The following PRKD2 variants were observed in gnomAD, a reference collection of about 807,000 sequenced individuals.
PRKD2 encodes the protein protein kinase D2, also known as serine/threonine-protein kinase D2.
PRKD2 carries 22 observed loss-of-function variants against 86.0 expected under a neutral mutation model. The ratio of observed to expected loss-of-function variants is 0.26; its 90% CI spans 0.18 to 0.37. The LOEUF is 0.37. PRKD2 is among the 10% of genes least tolerant of loss of function. PRKD2 has a pLI of 1.00. For synonymous variants in PRKD2, 509 were observed against 510.9 expected (o/e 1.00, Z 0.05); for missense variants, 818 against 1,199.2 (o/e 0.68, Z 4.70).
chr19:46,680,190 C>T (rs1478894446), intron 15 of PRKD2, among the ~76,000 whole-genome samples: 1 of 152,190 alleles, frequency 6.6e-6, no homozygotes, highest in African/African-American at 2.4e-5. Flanking sequence ...AATGTGACAG[C>T]CACCCTTTCC....
chr19:46,688,336 G>C (rs527381271), intron 14 of PRKD2, among the ~76,000 whole-genome samples: 21 of 152,038 alleles, frequency 1.4e-4, no homozygotes, highest in Admixed American at 1.2e-3. Context: ...GTCAGGTCCA[G>C]GGAGCCTGAC....
In PRKD2 at chr19:46,705,936, C is replaced by A. The variant is rs955069199; in HGVS notation, c.512-1287G>T. Among the ~76,000 whole-genome samples the A allele has an allele frequency of 5.9e-5, 9 of 152,304 alleles. 1 individual carries two copies. The highest frequency in any genetic ancestry group is 2.0e-4 in the Admixed American group (3 of 15,288). ...ACAATGGCACAATCATAGCTCACTG[C>A]AGCCTTCAACTCCTGGGCTCAAGTA... is the stretch of plus-strand genomic sequence containing the variant. On this transcript the variant is annotated intron_variant, in intron 3 of 17. Transcript: ENST00000291281.
intron 14 of PRKD2, chr19:46,686,042 C>T (rs1018001371): frequency 6.6e-6 from 1 of 152,158 alleles, no homozygotes; most frequent in Non-Finnish European, 1.5e-5. Context: ...GGCACACTGC[C>T]TGAGAGGATA....
chr19:46,684,305 A>G (rs2053362643), intron 14 of PRKD2, among the ~76,000 whole-genome samples: 1 of 152,034 alleles, frequency 6.6e-6, no homozygotes. Context: ...GGAAAGATGC[A>G]TGTGTTGTAT....
intron 14 of PRKD2, 26 bp downstream of exon 14, chr19:46,689,511 G>A (rs1361436365): frequency 2.5e-5 from 39 of 1,573,004 alleles, no homozygotes; most frequent in Non-Finnish European, 3.4e-5. Flanking sequence ...GGGAGGGGCG[G>A]GTGGCAGCGG....
At position 46,713,927 on chromosome 19, in the gene PRKD2, G is replaced by C; in HGVS notation, c.315C>G (p.Leu105=). The C allele has an allele frequency of 6.2e-7, 1 of 1,613,560 alleles. No individual in the cohort carries two copies. The change falls in exon 2 of 18, where the codon CTC becomes CTG. Residue 105 remains leucine (L), a synonymous_variant. Coordinates refer to ENST00000291281, the MANE Select transcript of PRKD2 (RefSeq NM_016457.5). Reference sequence around the variant, plus strand: ...CTCCGGACGAGCGCACCAGCTGCAGGAGGTTGGCCGACGTGGGGTCATGTT... The same window carrying C: ...CTCCGGACGAGCGCACCAGCTGCAGCAGGTTGGCCGACGTGGGGTCATGTT... ...LFKHDPTSAN[L]LQLVRSSGDI...
chr19:46,676,156 C>T (rs959356497), intron 16 of PRKD2, among the ~76,000 whole-genome samples: 3 of 151,332 alleles, frequency 2.0e-5, no homozygotes, highest in Non-Finnish European at 4.4e-5. Context: ...AGGCTGGGCG[C>T]GGTGGCTCAT....
chr19:46,712,030 G>A (rs1040765807), intron 2 of PRKD2, among the ~76,000 whole-genome samples: 3 of 149,224 alleles, frequency 2.0e-5, no homozygotes, highest in African/African-American at 7.4e-5. Flanking sequence ...ATCATGCCAC[G>A]GCACTCCAGC....
chr19:46,704,119 C>T lies in PRKD2; in HGVS notation c.889+50G>A, dbSNP rs749264269. 1.8e-5 allele frequency: 29 copies of T among 1,606,590 alleles called. No homozygotes were observed. In the Admixed American group the frequency reaches 3.0e-4, roughly 17 times the overall value. ...GTCCTGCCACAAGACCAGGTTGGGG[C>T]GGGAAGGAGGTTCTGACCCTGTCTG... On this transcript the variant is annotated intron_variant, in intron 5 of 17. Coordinates refer to ENST00000291281, the MANE Select transcript of PRKD2 (RefSeq NM_016457.5).
At chr19:46,711,222 A>G (rs1168636516) in intron 2 of PRKD2, among the ~76,000 whole-genome samples, 184 bp from the exon 3 acceptor site, 1 of 152,120 alleles carries the variant, frequency 6.6e-6, no homozygotes, top group African/African-American at 2.4e-5. Flanking sequence ...TGAACAAAAC[A>G]CATATATCCC....
intron 15 of PRKD2, among the ~76,000 whole-genome samples, chr19:46,681,241 C>A (rs1394975988): frequency 6.7e-6 from 1 of 149,672 alleles, no homozygotes; most frequent in East Asian, 2.0e-4. Flanking sequence ...CAGGCGTGAG[C>A]CACCGCACCC....
rs768039984 is a variant in PRKD2 at position 46,691,736 on chromosome 19, T to G, written c.1701A>C (p.Gly567=). 6 of 1,612,296 alleles carry G rather than the reference T, an allele frequency of 3.7e-6. No homozygotes were observed. The South Asian group carries it at 5.5e-5, about 15-fold the overall frequency. ...LGSGQFGVVY[G]GKHRKTGRDV... ...GGGTTAGCTCTGAAGTGTCCTCACC[T>G]CCATAGACCACTCCAAACTGCCCTG... The change falls in exon 12 of 18, where the codon GGA becomes GGC. Residue 567 remains glycine (G), a splice_region_variant and synonymous_variant. Coordinates refer to ENST00000291281, the MANE Select transcript of PRKD2 (RefSeq NM_016457.5).
chr19:46,716,375 G>A lies in PRKD2; in HGVS notation c.-5C>T. 1 of 1,403,952 alleles carries A rather than the reference G, an allele frequency of 7.1e-7. No individual in the cohort carries two copies. The highest frequency in any genetic ancestry group is 3.0e-5 in the East Asian group (1 of 33,656). The allele number at this position is 1,403,952 out of a possible 1,614,324, so 87.0% of individuals were successfully genotyped here. A position where few individuals can be genotyped will look rare whatever the true frequency, so the allele number is the denominator to read the frequency against. On this transcript the variant is annotated 5_prime_UTR_variant, in exon 1 of 18. Transcript: ENST00000291281. This position sits in a 1 kb window ranked among gnomAD's most constrained non-coding sequence, Gnocchi z 7.9. ...ATAAGAGGGGGCGGTGGCCATGGGG[G>A]GAGGCCGGGGACCGGCCGCCTGGAG...
intron 5 of PRKD2, among the ~76,000 whole-genome samples, chr19:46,703,187 G>A (rs1479551322): frequency 6.6e-6 from 1 of 152,172 alleles, no homozygotes; most frequent in Non-Finnish European, 1.5e-5. Flanking sequence ...TCTAAGATGT[G>A]TAATCTAAAG....
At chr19:46,714,062 G>A (rs2053848206) in intron 1 of PRKD2, 61 bp from the exon 2 acceptor site, 2 of 1,585,278 alleles carry the variant, frequency 1.3e-6, no homozygotes, top group Non-Finnish European at 1.7e-6. Context: ...AGCAGCGGGC[G>A]GACTGTGACC....
chr19:46,715,359 G>A (rs2053868519), intron 1 of PRKD2, among the ~76,000 whole-genome samples: 1 of 152,110 alleles, frequency 6.6e-6, no homozygotes, highest in Non-Finnish European at 1.5e-5. Context: ...ATTTGAACAC[G>A]AACATGGGGG....
chr19:46,704,147 C>T (rs191713338), intron 5 of PRKD2, 22 bp downstream of exon 5: 3 of 1,612,860 alleles, frequency 1.9e-6, no homozygotes, highest in East Asian at 4.5e-5. Context: ...CCTGTCTGTC[C>T]TCCCCGACAG....
At chr19:46,680,976 C>T (rs1468026748) in intron 15 of PRKD2, among the ~76,000 whole-genome samples, 1 of 68,340 alleles carries the variant, frequency 1.5e-5, no homozygotes, top group African/African-American at 4.7e-5. Context: ...GACAGAGTCT[C>T]GCTCTCTCGC....
chr19:46,675,021 C>G lies in PRKD2; in HGVS notation c.2424+12G>C, dbSNP rs370588476. 3.1e-5 allele frequency: 49 copies of G among 1,598,790 alleles called. No individual in the cohort carries two copies. Among genetic ancestry groups the G allele is most frequent in the East Asian group, 2.9e-4 (13 of 44,676 alleles). ...AATCCAGCCAATGGGCCAGCCCTGCCCCCTGCATCACCTGTAACCAGGGGT... is the reference window on the plus strand; with the variant it reads ...AATCCAGCCAATGGGCCAGCCCTGCGCCCTGCATCACCTGTAACCAGGGGT... On this transcript the variant is annotated intron_variant, in intron 17 of 17. Transcript: ENST00000291281.
Sources: allele counts gnomAD v4.1 joint callset (sites outside exome capture counted in the v4.1 genomes callset), GRCh38; gene constraint gnomAD v4.1.1; non-coding constraint Gnocchi (gnomAD v3.1); transcripts MANE v1.5; gene names NCBI Gene and HGNC (gene_info 2026-07-23, HGNC 2026-07-21).